The following FRMPD4 variants were observed in gnomAD, a reference collection of about 807,000 sequenced individuals.
FRMPD4 encodes the protein FERM and PDZ domain containing 4.
FRMPD4 carries 22 observed loss-of-function variants against 94.1 expected under a neutral mutation model. That is an observed-to-expected ratio of 0.23 (90% CI 0.17 to 0.33). The LOEUF is 0.33. Among genes scored for constraint, FRMPD4 ranks in the 10% least tolerant of loss-of-function variants. The probability of loss-of-function intolerance (pLI) is 1.00; values close to 1 mark genes in which losing one functional copy is unlikely to be tolerated. For missense variants in FRMPD4, 1,111 were observed against 1,339.9 expected (o/e 0.83, Z 2.67); for synonymous variants, 631 against 548.6 (o/e 1.15, Z -2.10).
intron 4 of FRMPD4, among the ~76,000 whole-genome samples, chrX:12,655,277 C>T (rs762755491): frequency 2.0e-4 from 22 of 111,558 alleles, no homozygotes; most frequent in Non-Finnish European, 3.6e-4. Flanking sequence ...CTTTTTTCCC[C>T]TAGAGAATGA....
At chrX:12,589,845 C>T (rs1009982109) in intron 2 of FRMPD4, among the ~76,000 whole-genome samples, 7 of 111,935 alleles carry the variant, frequency 6.3e-5, no homozygotes, top group African/African-American at 2.3e-4. Flanking sequence ...CCTTCATTCC[C>T]ACTTCATTGT....
intron 3 of FRMPD4, among the ~76,000 whole-genome samples, chrX:12,084,981 TA>T (rs1686288600): frequency 9.0e-6 from 1 of 111,682 alleles, no homozygotes; most frequent in African/African-American, 3.3e-5. Context: ...GAATAGAAAA[TA>T]AAAAACAGCA....
At chrX:12,030,909 A>G (rs2054687965) in intron 3 of FRMPD4, among the ~76,000 whole-genome samples, 1 of 112,185 alleles carries the variant, frequency 8.9e-6, no homozygotes, top group Admixed American at 9.4e-5. Context: ...ACAGATTCCA[A>G]TAATGCCTCC....
intron 3 of FRMPD4, among the ~76,000 whole-genome samples, chrX:11,921,519 TAG>T (rs1239605711): frequency 1.8e-5 from 2 of 112,036 alleles, no homozygotes; most frequent in African/African-American, 6.5e-5. Flanking sequence ...AGGGGGAAAG[TAG>T]AGTTTCCTTC....
chrX:12,326,141 A>C (rs1275469001), intron 1 of FRMPD4, among the ~76,000 whole-genome samples: 7 of 112,275 alleles, frequency 6.2e-5, no homozygotes, highest in Non-Finnish European at 1.3e-4. Flanking sequence ...TTTAATATAC[A>C]GGTGTGTAAG....
chrX:12,373,428 T>C (rs903848457), intron 1 of FRMPD4, among the ~76,000 whole-genome samples: 82 of 111,772 alleles, frequency 7.3e-4, no homozygotes, highest in African/African-American at 2.6e-3. Flanking sequence ...CTCTACAGAG[T>C]GGTTGCTTTT....
intron 3 of FRMPD4, among the ~76,000 whole-genome samples, chrX:12,013,180 T>G (rs1220168002): frequency 8.9e-6 from 1 of 111,955 alleles, no homozygotes; most frequent in Non-Finnish European, 1.9e-5. Flanking sequence ...CTCTACTTCT[T>G]TACAATCACA....
At chrX:12,634,823 TC>T (rs1163251953) in intron 4 of FRMPD4, among the ~76,000 whole-genome samples, 1 of 90,404 alleles carries the variant, frequency 1.1e-5, no homozygotes, top group African/African-American at 4.4e-5. Context: ...AGTCCATCTC[TC>T]TTTTTTTTTT....
intron 1 of FRMPD4, among the ~76,000 whole-genome samples, chrX:12,168,914 C>T (rs773676941): frequency 1.2e-3 from 133 of 111,987 alleles, no homozygotes; most frequent in African/African-American, 4.1e-3. Context: ...CGTGAGCCAC[C>T]GTGCCTGGCA....
chrX:12,449,051 A>G (rs977833287), intron 1 of FRMPD4, among the ~76,000 whole-genome samples: 1 of 112,113 alleles, frequency 8.9e-6, no homozygotes, highest in African/African-American at 3.2e-5. Flanking sequence ...TGATCTGTTC[A>G]TACATGCAGA....
chrX:11,875,836 C>T (rs908481891), intron 2 of FRMPD4, among the ~76,000 whole-genome samples: 1 of 108,062 alleles, frequency 9.3e-6, no homozygotes, highest in Non-Finnish European at 1.9e-5. Flanking sequence ...TTGCTGACAC[C>T]GCTTACCACT....
At chrX:12,364,791 C>G (rs1259886948) in intron 1 of FRMPD4, among the ~76,000 whole-genome samples, 3 of 112,007 alleles carry the variant, frequency 2.7e-5, no homozygotes, top group Non-Finnish European at 3.8e-5. Context: ...ACCAACAAAG[C>G]CATAGAGACT....
chrX:12,623,747 A>G (rs907173210), intron 4 of FRMPD4, among the ~76,000 whole-genome samples: 4 of 111,583 alleles, frequency 3.6e-5, no homozygotes, highest in African/African-American at 1.3e-4. Flanking sequence ...ACACAGACAT[A>G]GAATATTGAA....
intron 3 of FRMPD4, among the ~76,000 whole-genome samples, chrX:12,084,971 G>T (rs2055095546): frequency 8.9e-6 from 1 of 111,917 alleles, no homozygotes; most frequent in Admixed American, 9.5e-5. Context: ...AATAATGGAA[G>T]AATAGAAAAT....
intron 1 of FRMPD4, among the ~76,000 whole-genome samples, chrX:12,485,389 G>T (rs2057729058): frequency 8.9e-6 from 1 of 111,944 alleles, no homozygotes; most frequent in Non-Finnish European, 1.9e-5. Context: ...TATGATATAG[G>T]CTCAATGAAT....
intron 3 of FRMPD4, among the ~76,000 whole-genome samples, chrX:12,061,718 A>G (rs1024694714): frequency 7.1e-5 from 8 of 112,334 alleles, no homozygotes; most frequent in Non-Finnish European, 1.9e-5. Flanking sequence ...GTAAGAATAA[A>G]TATGATTATA....
At chrX:11,998,867 C>T (rs974805536) in intron 3 of FRMPD4, among the ~76,000 whole-genome samples, 9 of 112,158 alleles carry the variant, frequency 8.0e-5, no homozygotes, top group Non-Finnish European at 1.7e-4. Flanking sequence ...TTCCAAACAG[C>T]TTGCATCAGG....
chrX:12,306,202 G>A lies in FRMPD4; in HGVS notation c.41+167190G>A, dbSNP rs12116036. On this transcript the variant is annotated intron_variant, in intron 1 of 16. Transcript: ENST00000675598. ...TTTACAGAAATTATTTCCACAATCA[G>A]AAGTACTGTACTGATTGCATTTCTT... 6.2e-3 allele frequency among the ~76,000 whole-genome samples: 692 copies of A among 110,899 alleles called. 2 individuals carry two copies. Among genetic ancestry groups the A allele is most frequent in the African/African-American group, 0.021 (642 of 30,514 alleles).
intron 3 of FRMPD4, among the ~76,000 whole-genome samples, chrX:11,929,614 G>A (rs1601844107): frequency 8.9e-6 from 1 of 112,481 alleles, no homozygotes; most frequent in Non-Finnish European, 1.9e-5. Context: ...GACTGGTTCA[G>A]TGAGTATTTA....
Sources: gnomAD v4.1 joint callset for allele counts (sites outside exome capture counted in the v4.1 genomes callset) on GRCh38, gnomAD v4.1.1 for gene constraint, MANE v1.5 for transcripts, NCBI Gene and HGNC (gene_info 2026-07-23, HGNC 2026-07-21) for gene names.